LANCL2: variants seen among roughly 807,000 people sequenced by gnomAD.
LANCL2 encodes lanC-like protein 2.
LANCL2 carries 33 observed loss-of-function variants against 56.9 expected under a neutral mutation model. The observed-to-expected ratio is 0.58, with a 90% CI of 0.44 to 0.78. The LOEUF is 0.78. LANCL2 is among the 30% of genes least tolerant of loss of function. The pLI is 0.00. For missense variants in LANCL2, 562 were observed against 580.2 expected, an observed-to-expected ratio of 0.97 and a Z score of 0.32; for synonymous variants, 233 against 228.2, an observed-to-expected ratio of 1.02 and a Z score of -0.19.
At chr7:55,396,634 G>T (rs997565298) in intron 2 of LANCL2, among the ~76,000 whole-genome samples, 11 of 152,306 alleles carry the variant, frequency 7.2e-5, no homozygotes, top group Non-Finnish European at 1.5e-4. Context: ...CATCCCTAAG[G>T]GCCTGTTCAT....
intron 6 of LANCL2, among the ~76,000 whole-genome samples, chr7:55,419,640 G>A (rs530251451): frequency 6.6e-6 from 1 of 152,166 alleles, no homozygotes; most frequent in Admixed American, 6.5e-5. Context: ...GACCTCAGGT[G>A]ATCCGCCTGC....
chr7:55,376,122 A>G (rs527736955), intron 1 of LANCL2, among the ~76,000 whole-genome samples: 61 of 152,214 alleles, frequency 4.0e-4, no homozygotes, highest in African/African-American at 1.3e-3. Context: ...CATTCTGCCT[A>G]CCATAAAGGT....
At chr7:55,385,162 G>A (rs1043407860) in intron 1 of LANCL2, among the ~76,000 whole-genome samples, 2 of 152,142 alleles carry the variant, frequency 1.3e-5, no homozygotes, top group African/African-American at 4.8e-5. Flanking sequence ...ACTCCAGCCT[G>A]GGTGACAGGA....
At chr7:55,430,425 A>G (rs958401021) in intron 8 of LANCL2, among the ~76,000 whole-genome samples, 6 of 152,212 alleles carry the variant, frequency 3.9e-5, no homozygotes, top group African/African-American at 1.4e-4. Flanking sequence ...GAACTAATCC[A>G]TGGTGGACCA....
At chr7:55,417,119 A>G (rs1460573787) in intron 6 of LANCL2, among the ~76,000 whole-genome samples, 4 of 151,818 alleles carry the variant, frequency 2.6e-5, no homozygotes, top group Non-Finnish European at 4.4e-5. Context: ...AGCTGGGACT[A>G]CAGGCGCCCG....
chr7:55,384,883 T>C (rs1790107758), intron 1 of LANCL2, among the ~76,000 whole-genome samples: 1 of 152,080 alleles, frequency 6.6e-6, no homozygotes, highest in South Asian at 2.1e-4. Flanking sequence ...ACCACCACCA[T>C]GTAAAATAAT....
intron 1 of LANCL2, among the ~76,000 whole-genome samples, chr7:55,377,017 AATTATAT>A (rs1368528272): frequency 3.4e-4 from 52 of 152,184 alleles, no homozygotes; most frequent in Non-Finnish European, 3.8e-4. Context: ...TTAATATGCC[AATTATAT>A]TATGTTTGCT....
At chr7:55,396,675 C>T (rs529282668) in intron 2 of LANCL2, among the ~76,000 whole-genome samples, 25 of 151,670 alleles carry the variant, frequency 1.6e-4, no homozygotes, top group African/African-American at 5.6e-4. Flanking sequence ...GCAACGTGTC[C>T]GCCTGCCAAC....
intron 6 of LANCL2, among the ~76,000 whole-genome samples, chr7:55,416,549 G>A (rs1388244588): frequency 1.3e-5 from 2 of 152,100 alleles, no homozygotes; most frequent in African/African-American, 2.4e-5. Flanking sequence ...CCAAAGTGCT[G>A]GAATTATAGG....
At chr7:55,403,533 C>A (rs570536240) in intron 5 of LANCL2, among the ~76,000 whole-genome samples, 1 of 150,940 alleles carries the variant, frequency 6.6e-6, no homozygotes, top group African/African-American at 2.4e-5. Flanking sequence ...GTTATCTGTT[C>A]CCCACACTTT....
intron 6 of LANCL2, among the ~76,000 whole-genome samples, chr7:55,414,879 G>T (rs150239070): frequency 0.012 from 1,798 of 151,176 alleles, 36 homozygotes; most frequent in African/African-American, 0.04. Flanking sequence ...AGGTACCTAG[G>T]AGGCTGAGGT....
intron 1 of LANCL2, among the ~76,000 whole-genome samples, chr7:55,370,232 T>C (rs1400753846): frequency 6.6e-6 from 1 of 152,174 alleles, no homozygotes; most frequent in Non-Finnish European, 1.5e-5. Flanking sequence ...CATGACATAG[T>C]GGCTGTCTTC....
At chr7:55,424,930 TCTAA>T (rs1436207858) in intron 6 of LANCL2, among the ~76,000 whole-genome samples, 1 of 152,178 alleles carries the variant, frequency 6.6e-6, no homozygotes, top group Non-Finnish European at 1.5e-5. Flanking sequence ...CTTATGAGAA[TCTAA>T]CTAATGCCTG....
chr7:55,376,399 C>T (rs999773662), intron 1 of LANCL2, among the ~76,000 whole-genome samples: 3 of 152,232 alleles, frequency 2.0e-5, no homozygotes, highest in Non-Finnish European at 4.4e-5. Flanking sequence ...AAAGCAAGCT[C>T]CTCAGCTTTT....
chr7:55,419,895 T>C (rs1276256716), intron 6 of LANCL2, among the ~76,000 whole-genome samples: 1 of 152,190 alleles, frequency 6.6e-6, no homozygotes, highest in Non-Finnish European at 1.5e-5. Flanking sequence ...GGCTCACTTC[T>C]ATAATTCCAG....
chr7:55,431,267 C>T lies in LANCL2; in HGVS notation c.1300C>T (p.Pro434Ser), dbSNP rs1394608993. The change falls in exon 9 of 9, where the codon CCA becomes TCA. Residue 434 changes from proline (P) to serine (S), a missense_variant. Pro to Ser is a moderately conservative substitution (Grantham distance 74). Coordinates refer to ENST00000254770, the MANE Select transcript of LANCL2 (RefSeq NM_018697.4). ...AIHFLSDVLG[P>S]ETSRFPAFEL... ...TCACTTTCTCTCTGATGTCCTGGGA[C>T]CAGAGACATCACGGTTTCCAGCATT... 1.2e-6 allele frequency: 2 copies of T among 1,613,674 alleles called. No homozygotes were observed. Among genetic ancestry groups the T allele is most frequent in the Admixed American group, 1.7e-5 (1 of 59,892 alleles).
At chr7:55,402,512 G>GC (rs1305422068) in intron 5 of LANCL2, among the ~76,000 whole-genome samples, 3 of 142,186 alleles carry the variant, frequency 2.1e-5, no homozygotes, top group South Asian at 2.2e-4. Context: ...GGGCAGAGGC[G>GC]CCCCCCACCT....
intron 5 of LANCL2, among the ~76,000 whole-genome samples, chr7:55,406,914 T>C (rs955999984): frequency 2.0e-5 from 3 of 152,084 alleles, no homozygotes; most frequent in African/African-American, 7.2e-5. Flanking sequence ...CCTGCTGGGA[T>C]GAAAGATGGC....
chr7:55,406,379 A>G (rs1233565288), intron 5 of LANCL2, among the ~76,000 whole-genome samples: 2 of 152,148 alleles, frequency 1.3e-5, no homozygotes, highest in Admixed American at 1.3e-4. Flanking sequence ...TGTTGAAGCC[A>G]CAGAAGATGG....
Sources: gnomAD v4.1 joint callset for allele counts (sites outside exome capture counted in the v4.1 genomes callset) on GRCh38, gnomAD v4.1.1 for gene constraint, MANE v1.5 for transcripts, NCBI Gene and HGNC (gene_info 2026-07-23, HGNC 2026-07-21) for gene names.